GPC5: variants seen among roughly 807,000 people sequenced by gnomAD.
The protein encoded by GPC5 is glypican-5.
In GPC5, 47 loss-of-function variants were observed where a neutral mutation model predicts 53.9. That is an observed-to-expected ratio of 0.87 (90% CI 0.69 to 1.11). The LOEUF is 1.11. GPC5 is among the 50% of genes most tolerant of loss of function. The pLI, the probability that GPC5 is intolerant of heterozygous loss-of-function variation, is 0.00. For synonymous variants in GPC5, 286 were observed against 263.3 expected (o/e 1.09, Z -0.84); for missense variants, 748 against 713.1 (o/e 1.05, Z -0.56).
intron 2 of GPC5, among the ~76,000 whole-genome samples, chr13:91,541,488 A>G (rs1187856116): frequency 6.6e-6 from 1 of 152,144 alleles, no homozygotes; most frequent in African/African-American, 2.4e-5. Context: ...TTTGTCAAGT[A>G]AGTGCCAATA....
At chr13:91,476,584 T>A (rs1205455921) in intron 2 of GPC5, among the ~76,000 whole-genome samples, 1 of 152,236 alleles carries the variant, frequency 6.6e-6, no homozygotes, top group African/African-American at 2.4e-5. Context: ...AATTGAGTTT[T>A]CTTCAATAGT....
chr13:91,468,047 A>T (rs7320241), intron 2 of GPC5, among the ~76,000 whole-genome samples: 46,593 of 152,000 alleles, frequency 0.31, 7,600 homozygotes, highest in East Asian at 0.58. Context: ...CTGAAGGAGC[A>T]GCCCTATCTG....
chr13:91,500,366 A>G (rs1197844114), intron 2 of GPC5, among the ~76,000 whole-genome samples: 1 of 152,194 alleles, frequency 6.6e-6, no homozygotes, highest in East Asian at 1.9e-4. Context: ...TGGTCAGCCA[A>G]TGTGGCTGGC....
chr13:92,329,532 A>G (rs1331332164), intron 7 of GPC5, among the ~76,000 whole-genome samples: 2 of 152,106 alleles, frequency 1.3e-5, no homozygotes, highest in African/African-American at 4.8e-5. Context: ...TGAGATTTGG[A>G]GGGGACAAAC....
intron 2 of GPC5, among the ~76,000 whole-genome samples, chr13:91,689,184 A>AATAT (rs1169911890): frequency 0.019 from 928 of 49,530 alleles, 17 homozygotes; most frequent in East Asian, 0.03. Flanking sequence ...ATCATATATA[A>AATAT]ATATATATAT....
chr13:91,689,227 A>ATATATATATT (rs1555338061), intron 2 of GPC5, among the ~76,000 whole-genome samples: 1 of 102,746 alleles, frequency 9.7e-6, no homozygotes, highest in African/African-American at 4.4e-5. Flanking sequence ...ATATATATAT[A>ATATATATATT]TATACACATA....
chr13:92,381,932 TTA>T (rs1434518229), intron 7 of GPC5, among the ~76,000 whole-genome samples: 3 of 127,240 alleles, frequency 2.4e-5, no homozygotes, highest in African/African-American at 8.5e-5. Flanking sequence ...ATATATATGA[TTA>T]TATATGAAAT....
chr13:91,538,005 T>TA lies in GPC5; in HGVS notation c.325+89087dup, dbSNP rs555620969. ...GGTCATCAGCTGATGAACTGACAAA[T>TA]AAAATGTGGTTTATGCATACAATGA... is the stretch of plus-strand genomic sequence containing the variant. On this transcript the variant is annotated intron_variant, in intron 2 of 7. Coordinates refer to ENST00000377067, the MANE Select transcript of GPC5 (RefSeq NM_004466.6). 1.4e-3 allele frequency among the ~76,000 whole-genome samples: 215 copies of TA among 152,270 alleles called. 2 individuals carry two copies. Among genetic ancestry groups the TA allele is most frequent in the African/African-American group, 5.1e-3 (210 of 41,568 alleles).
At chr13:92,844,127 G>A (rs541278559) in intron 7 of GPC5, among the ~76,000 whole-genome samples, 2 of 152,040 alleles carry the variant, frequency 1.3e-5, no homozygotes, top group East Asian at 1.9e-4. Flanking sequence ...GTAAGTGACA[G>A]TTACTTCTTG....
At position 92,005,387 on chromosome 13, in the gene GPC5, G is replaced by A. The variant is rs971008952; in HGVS notation, c.1401+97330G>A. On this transcript the variant is annotated intron_variant, in intron 6 of 7. Transcript: ENST00000377067. ...AGTCTTCGCCTTGATTTCTCCTCCC[G>A]TTTGGCTACAGCCCTCTTGATTCTA... 5.9e-5 allele frequency among the ~76,000 whole-genome samples: 9 copies of A among 151,980 alleles called. 1 individual carries two copies. Among genetic ancestry groups the A allele is most frequent in the Non-Finnish European group, 1.2e-4 (8 of 67,996 alleles).
chr13:92,448,571 A>T (rs1709939160), intron 7 of GPC5: 2 of 152,130 alleles, frequency 1.3e-5, no homozygotes, highest in African/African-American at 2.4e-5. Flanking sequence ...GTAGAGATGT[A>T]TGTCAGTATT....
chr13:92,388,474 G>A (rs888086504), intron 7 of GPC5, among the ~76,000 whole-genome samples: 6 of 152,014 alleles, frequency 3.9e-5, no homozygotes, highest in Admixed American at 3.3e-4. Context: ...CATCATTTCC[G>A]ACAAAAGGGT....
At chr13:92,277,149 A>T (rs988801533) in intron 7 of GPC5, among the ~76,000 whole-genome samples, 7 of 152,042 alleles carry the variant, frequency 4.6e-5, no homozygotes, top group Non-Finnish European at 1.0e-4. Flanking sequence ...GTAATATAAC[A>T]TTGAAATAGT....
intron 2 of GPC5, among the ~76,000 whole-genome samples, chr13:91,532,128 T>G: frequency 6.6e-6 from 1 of 152,298 alleles, no homozygotes. Flanking sequence ...ATTAAGGAAA[T>G]TGACACTTGA....
chr13:92,253,204 G>C (rs1251118889), intron 7 of GPC5, among the ~76,000 whole-genome samples: 4 of 152,090 alleles, frequency 2.6e-5, no homozygotes, highest in African/African-American at 9.7e-5. Flanking sequence ...AATTTATGTG[G>C]ACTGTAATGC....
intron 7 of GPC5, among the ~76,000 whole-genome samples, chr13:92,513,556 C>G (rs530623952): frequency 6.8e-6 from 1 of 147,716 alleles, no homozygotes; most frequent in African/African-American, 2.5e-5. Flanking sequence ...CTTTCCTTTC[C>G]TTTCCTTTCC....
intron 7 of GPC5, among the ~76,000 whole-genome samples, chr13:92,706,651 C>T (rs1281791213): frequency 2.0e-5 from 3 of 152,130 alleles, no homozygotes; most frequent in East Asian, 3.9e-4. Flanking sequence ...ATGTCCTCTA[C>T]TTCCAGGATG....
chr13:91,964,215 A>T (rs1470723792), intron 6 of GPC5, among the ~76,000 whole-genome samples: 2 of 152,206 alleles, frequency 1.3e-5, no homozygotes, highest in Non-Finnish European at 2.9e-5. Context: ...AAGGCAGTGC[A>T]GACCCAAAGA....
intron 5 of GPC5, among the ~76,000 whole-genome samples, chr13:91,806,145 C>T (rs1387913791): frequency 1.4e-5 from 2 of 140,224 alleles, no homozygotes; most frequent in East Asian, 2.3e-4. Flanking sequence ...AAGCGGTTCT[C>T]ATACCTCAGC....
Sources: allele counts gnomAD v4.1 joint callset (sites outside exome capture counted in the v4.1 genomes callset), GRCh38; gene constraint gnomAD v4.1.1; transcripts MANE v1.5; gene names NCBI Gene and HGNC (gene_info 2026-07-23, HGNC 2026-07-21).